DOCK3: variants seen among roughly 807,000 people sequenced by gnomAD.
DOCK3 encodes dedicator of cytokinesis protein 3.
A neutral mutation model predicts 265.6 loss-of-function variants in DOCK3; 60 were observed. The ratio of observed to expected loss-of-function variants is 0.23; its 90% CI spans 0.18 to 0.28. The LOEUF is 0.28. Ranked by LOEUF, DOCK3 falls within the 10% of genes least tolerant of loss-of-function variation. The pLI is 1.00. For synonymous variants in DOCK3, 881 were observed against 938.0 expected, an observed-to-expected ratio of 0.94 and a Z score of 1.11; for missense variants, 1,981 against 2,594.3, an observed-to-expected ratio of 0.76 and a Z score of 5.14.
chr3:51,351,107 G>T (rs1037465104), intron 40 of DOCK3, among the ~76,000 whole-genome samples: 4 of 152,236 alleles, frequency 2.6e-5, no homozygotes, highest in Non-Finnish European at 5.9e-5. Flanking sequence ...GCACAACTCA[G>T]AGGCTCTAGG....
At chr3:50,978,137 C>G (rs1467880496) in intron 5 of DOCK3, among the ~76,000 whole-genome samples, 1 of 151,694 alleles carries the variant, frequency 6.6e-6, no homozygotes, top group Non-Finnish European at 1.5e-5. Flanking sequence ...GCCTTCTTCT[C>G]TCAGCTCGTC....
intron 1 of DOCK3, among the ~76,000 whole-genome samples, chr3:50,734,266 T>G (rs1040371113): frequency 6.6e-6 from 1 of 152,168 alleles, no homozygotes; most frequent in Non-Finnish European, 1.5e-5. Flanking sequence ...CCCAATACTT[T>G]GGGAGGCTGA....
At chr3:50,852,789 G>T (rs1263596173) in intron 3 of DOCK3, among the ~76,000 whole-genome samples, 1 of 151,920 alleles carries the variant, frequency 6.6e-6, no homozygotes, top group Non-Finnish European at 1.5e-5. Context: ...CTGACTTAGG[G>T]TTTATTCACT....
At chr3:51,075,707 C>T (rs1432731065) in intron 7 of DOCK3, among the ~76,000 whole-genome samples, 4 of 152,230 alleles carry the variant, frequency 2.6e-5, no homozygotes, top group East Asian at 1.9e-4. Flanking sequence ...CTTCAGCCTG[C>T]AGCATAACTA....
chr3:51,225,528 C>A, intron 14 of DOCK3, 121 bp from the exon 15 acceptor site: 1 of 1,439,952 alleles, frequency 6.9e-7, no homozygotes, highest in Middle Eastern at 2.2e-4. Context: ...ATTAACCAAG[C>A]TTGGAATGCC....
At chr3:50,746,376 G>A (rs2039444925) in intron 1 of DOCK3, among the ~76,000 whole-genome samples, 3 of 152,008 alleles carry the variant, frequency 2.0e-5, no homozygotes, top group Non-Finnish European at 4.4e-5. Flanking sequence ...CAAAGTGCTG[G>A]GATTACAGGC....
At position 51,280,144 on chromosome 3, in the gene DOCK3, G is replaced by A; in HGVS notation, c.2862G>A (p.Gln954=). 2 of 1,613,882 alleles carry A rather than the reference G, an allele frequency of 1.2e-6. No homozygotes were observed. Among genetic ancestry groups the A allele is most frequent in the Non-Finnish European group, 1.7e-6 (2 of 1,179,862 alleles). The change falls in exon 27 of 53, where the codon CAG becomes CAA. Residue 954 remains glutamine (Q), a synonymous_variant. Coordinates refer to ENST00000266037, the MANE Select transcript of DOCK3 (RefSeq NM_004947.5). ...YVSCLLSLLR[Q]MCDTHFQHLL... is the part of the protein sequence containing the mutation. The stretch of plus-strand genomic sequence containing the variant: ...CCTGCCTTCTCTCACTGCTCCGCCA[G>A]ATGTGTGACACCCATTTCCAGCACC...
intron 2 of DOCK3, among the ~76,000 whole-genome samples, chr3:50,835,571 A>G (rs1182477565): frequency 1.3e-5 from 2 of 152,228 alleles, no homozygotes; most frequent in Non-Finnish European, 2.9e-5. Context: ...CATATCCTAC[A>G]TAGAACACAT....
At chr3:50,861,476 G>A (rs1352260781) in intron 3 of DOCK3, among the ~76,000 whole-genome samples, 2 of 152,118 alleles carry the variant, frequency 1.3e-5, no homozygotes, top group Non-Finnish European at 2.9e-5. Context: ...TAAGTCCACA[G>A]TTTCTTTTTT....
At chr3:51,371,713 A>T (rs2087693396) in intron 49 of DOCK3, among the ~76,000 whole-genome samples, 1 of 152,254 alleles carries the variant, frequency 6.6e-6, no homozygotes, top group South Asian at 2.1e-4. Context: ...AGTGGTCATG[A>T]GACCAGTGGT....
intron 26 of DOCK3, 175 bp downstream of exon 26, chr3:51,277,929 G>C (rs912504109): frequency 7.1e-6 from 7 of 985,244 alleles, no homozygotes; most frequent in Non-Finnish European, 8.4e-6. Flanking sequence ...TACTCTGAAA[G>C]CTCTAGGTTC....
chr3:50,847,517 G>A lies in DOCK3; in HGVS notation c.162+5802G>A, dbSNP rs552194752. ...GTCTGTTAGGTCTGACTAGTCAAGT[G>A]TTGAGTTTAAATCCAGATGTTATTT... On this transcript the variant is annotated intron_variant, in intron 3 of 52. Transcript: ENST00000266037. Among the ~76,000 whole-genome samples the A allele has an allele frequency of 3.3e-5, 5 of 152,296 alleles. No homozygotes were observed. In the South Asian group the frequency reaches 8.3e-4, roughly 25 times the overall value.
chr3:50,793,674 T>G (rs1417416393), intron 2 of DOCK3, among the ~76,000 whole-genome samples: 1 of 152,190 alleles, frequency 6.6e-6, no homozygotes, highest in Admixed American at 6.5e-5. Flanking sequence ...ATTAATTTTC[T>G]TTTCAAAAAT....
In DOCK3 at chr3:51,275,861, C is replaced by T. The variant is rs535333059; in HGVS notation, c.2676+655C>T. Among the ~76,000 whole-genome samples the T allele has an allele frequency of 5.1e-4, 77 of 151,814 alleles. 3 individuals carry two copies. In the South Asian group the frequency reaches 0.016, roughly 31 times the overall value. On this transcript the variant is annotated intron_variant, in intron 25 of 52. Transcript: ENST00000266037. ...GAGAAGGAAAGATATGAATTAGGCA[C>T]GGGTGAGGGTAGGAATTTATTTTAA...
chr3:50,773,379 TA>T (rs1196916280), intron 1 of DOCK3, among the ~76,000 whole-genome samples: 1 of 151,680 alleles, frequency 6.6e-6, no homozygotes. Context: ...TATATTAATT[TA>T]AAAAAAATCA....
intron 2 of DOCK3, among the ~76,000 whole-genome samples, chr3:50,831,257 CT>C (rs1172785535): frequency 6.7e-6 from 1 of 150,076 alleles, no homozygotes; most frequent in Non-Finnish European, 1.5e-5. Flanking sequence ...TAAAATTATA[CT>C]TTAAATTCTG....
intron 2 of DOCK3, among the ~76,000 whole-genome samples, chr3:50,797,090 T>G (rs2608996): frequency 0.95 from 145,285 of 152,268 alleles, 69,732 homozygotes; most frequent in East Asian, 1. Flanking sequence ...AGCAGCAGCA[T>G]TGACAACATG....
At chr3:50,721,294 G>A (rs988296397) in intron 1 of DOCK3, among the ~76,000 whole-genome samples, 1 of 152,026 alleles carries the variant, frequency 6.6e-6, no homozygotes, top group East Asian at 1.9e-4. Context: ...CATTTCCTAG[G>A]TTTTCTTCTA....
At chr3:50,869,076 G>A (rs946800486) in intron 3 of DOCK3, among the ~76,000 whole-genome samples, 32 of 148,664 alleles carry the variant, frequency 2.2e-4, no homozygotes, top group African/African-American at 7.2e-4. Context: ...CCGGGTTCAC[G>A]CCATTCTCCT....
Sources: allele counts gnomAD v4.1 joint callset (sites outside exome capture counted in the v4.1 genomes callset), GRCh38; gene constraint gnomAD v4.1.1; transcripts MANE v1.5; gene names NCBI Gene and HGNC (gene_info 2026-07-23, HGNC 2026-07-21).